FHIT: variants seen among roughly 807,000 people sequenced by gnomAD.
The protein encoded by FHIT is fragile histidine triad diadenosine triphosphatase, also known as bis(5'-adenosyl)-triphosphatase.
In FHIT, 19 loss-of-function variants were observed where a neutral mutation model predicts 17.9. The ratio of observed to expected loss-of-function variants is 1.06; its 90% CI spans 0.74 to 1.56. The LOEUF is 1.56. Ranked by LOEUF, FHIT falls within the 40% of genes most tolerant of loss-of-function variation. FHIT has a pLI of 0.00. For missense variants in FHIT, 248 were observed against 189.2 expected (o/e 1.31, Z -1.82); for synonymous variants, 81 against 69.7 (o/e 1.16, Z -0.81).
intron 5 of FHIT, among the ~76,000 whole-genome samples, chr3:60,267,277 T>C (rs213335): frequency 0.51 from 77,926 of 151,826 alleles, 20,558 homozygotes; most frequent in South Asian, 0.62. Context: ...TTGAATTATT[T>C]TTTAGTAACA....
chr3:59,811,781 C>T (rs971827327), intron 8 of FHIT, among the ~76,000 whole-genome samples: 6 of 152,122 alleles, frequency 3.9e-5, no homozygotes, highest in East Asian at 3.9e-4. Context: ...ATTTTAATGG[C>T]GCACTTACTG....
At chr3:60,171,041 T>C (rs1701396890) in intron 5 of FHIT, among the ~76,000 whole-genome samples, 1 of 152,158 alleles carries the variant, frequency 6.6e-6, no homozygotes, top group African/African-American at 2.4e-5. Context: ...AACAGACACT[T>C]TGGGAACTGA....
In FHIT at chr3:60,837,206, A is replaced by C. The variant is rs529056462; in HGVS notation, c.-110-15195T>G. On this transcript the variant is annotated intron_variant, in intron 3 of 9. Transcript: ENST00000492590. ...TGTGAAGGGAGTATATATGGTGAAA[A>C]AGGGAGGGACGTGGAGCCTATTTCT... 3.3e-5 allele frequency among the ~76,000 whole-genome samples: 5 copies of C among 152,258 alleles called. No individual in the cohort carries two copies. The South Asian group carries it at 8.3e-4, about 25-fold the overall frequency.
At chr3:60,685,576 C>T (rs1228719562) in intron 4 of FHIT, among the ~76,000 whole-genome samples, 3 of 152,126 alleles carry the variant, frequency 2.0e-5, no homozygotes, top group African/African-American at 7.2e-5. Context: ...ACATATGGGC[C>T]AGTAAGGGCT....
chr3:59,976,176 A>G (rs1244087084), intron 7 of FHIT, among the ~76,000 whole-genome samples: 1 of 152,088 alleles, frequency 6.6e-6, no homozygotes, highest in Non-Finnish European at 1.5e-5. Flanking sequence ...TCTGGGGGGT[A>G]AAGGAAGCTT....
intron 4 of FHIT, among the ~76,000 whole-genome samples, chr3:60,764,287 T>C (rs1381107074): frequency 1.3e-5 from 2 of 151,980 alleles, no homozygotes; most frequent in South Asian, 2.1e-4. Flanking sequence ...CACACTGTAA[T>C]TGCATCTGCC....
intron 5 of FHIT, among the ~76,000 whole-genome samples, chr3:60,201,092 C>A (rs1194276330): frequency 1.3e-5 from 2 of 152,068 alleles, no homozygotes; most frequent in Non-Finnish European, 2.9e-5. Context: ...TTTAAAGAGA[C>A]CATAATATCT....
intron 3 of FHIT, among the ~76,000 whole-genome samples, chr3:61,005,591 T>C (rs1244510808): frequency 6.6e-6 from 1 of 152,088 alleles, no homozygotes; most frequent in Non-Finnish European, 1.5e-5. Flanking sequence ...AGTATATAGT[T>C]GAAGTAGTGG....
rs142234437 is a variant in FHIT at position 60,237,458 on chromosome 3, G to A, written c.104-223306C>T. Among the ~76,000 whole-genome samples, 371 of 151,588 alleles carry A rather than the reference G, an allele frequency of 2.4e-3. 1 individual carries two copies. Among genetic ancestry groups the A allele is most frequent in the African/African-American group, 8.5e-3 (350 of 41,272 alleles). Reference sequence around the variant, plus strand: ...GCTTACATCCCAGTAACATAAACAGGGATCCACACTGAATTCACGTTTAAT... The same window carrying A: ...GCTTACATCCCAGTAACATAAACAGAGATCCACACTGAATTCACGTTTAAT... On this transcript the variant is annotated intron_variant, in intron 5 of 9. Coordinates refer to ENST00000492590, the MANE Select transcript of FHIT (RefSeq NM_002012.4).
intron 5 of FHIT, among the ~76,000 whole-genome samples, chr3:60,097,994 C>T (rs565575495): frequency 3.0e-4 from 46 of 151,418 alleles, no homozygotes; most frequent in Non-Finnish European, 5.0e-4. Context: ...CCATAGTTTG[C>T]TGAGAATGAT....
chr3:60,118,033 G>A (rs74579058), intron 5 of FHIT, among the ~76,000 whole-genome samples: 1 of 152,146 alleles, frequency 6.6e-6, no homozygotes, highest in African/African-American at 2.4e-5. Context: ...GTGAGTTTGA[G>A]ACCAAGGATA....
chr3:60,724,303 A>G (rs1465948904), intron 4 of FHIT, among the ~76,000 whole-genome samples: 1 of 152,190 alleles, frequency 6.6e-6, no homozygotes, highest in Non-Finnish European at 1.5e-5. Context: ...TGTAACATGT[A>G]TCAGCACTAC....
At chr3:61,145,677 T>C (rs1315986413) in intron 2 of FHIT, among the ~76,000 whole-genome samples, 1 of 152,116 alleles carries the variant, frequency 6.6e-6, no homozygotes, top group Non-Finnish European at 1.5e-5. Context: ...TCTTTCCATT[T>C]ATTTATTCTT....
At chr3:60,895,200 G>C (rs1553761604) in intron 3 of FHIT, among the ~76,000 whole-genome samples, 1 of 152,122 alleles carries the variant, frequency 6.6e-6, no homozygotes, top group African/African-American at 2.4e-5. Context: ...ATCTATGCTG[G>C]TCTGACTGTT....
chr3:59,896,270 T>A (rs1327776343), intron 8 of FHIT, among the ~76,000 whole-genome samples: 1 of 152,178 alleles, frequency 6.6e-6, no homozygotes, highest in African/African-American at 2.4e-5. Flanking sequence ...GTTGAATGAA[T>A]AGATAACTGA....
intron 8 of FHIT, among the ~76,000 whole-genome samples, chr3:59,816,108 G>A (rs573964113): frequency 1.3e-5 from 2 of 152,308 alleles, no homozygotes; most frequent in African/African-American, 2.4e-5. Flanking sequence ...CCTGGATCTG[G>A]GAGGCTGTGT....
chr3:61,160,303 A>C (rs1165185292), intron 2 of FHIT, among the ~76,000 whole-genome samples: 1 of 152,106 alleles, frequency 6.6e-6, no homozygotes, highest in African/African-American at 2.4e-5. Flanking sequence ...GCTTTGAAAA[A>C]CGTGCCATGA....
intron 3 of FHIT, among the ~76,000 whole-genome samples, chr3:60,915,823 T>C (rs1432535344): frequency 6.6e-6 from 1 of 152,158 alleles, no homozygotes; most frequent in African/African-American, 2.4e-5. Flanking sequence ...AGTAAAAATA[T>C]ACATAGATAT....
intron 5 of FHIT, among the ~76,000 whole-genome samples, chr3:60,292,815 A>C (rs1327801358): frequency 6.6e-6 from 1 of 152,156 alleles, no homozygotes; most frequent in Non-Finnish European, 1.5e-5. Context: ...CATAAAATGA[A>C]ATTGAAATGT....
Sources: allele counts gnomAD v4.1 joint callset (sites outside exome capture counted in the v4.1 genomes callset), GRCh38; gene constraint gnomAD v4.1.1; transcripts MANE v1.5; gene names NCBI Gene and HGNC (gene_info 2026-07-23, HGNC 2026-07-21).